Variants in LINGO1 observed in about 807,000 individuals in gnomAD.
LINGO1 encodes leucine-rich repeat and immunoglobulin-like domain-containing nogo receptor-interacting protein 1.
Under a neutral mutation model 37.3 loss-of-function variants are expected in LINGO1, and 11 were observed. That is an observed-to-expected ratio of 0.29 (90% CI 0.19 to 0.49). The LOEUF is 0.49. LINGO1 is among the 20% of genes least tolerant of loss of function. The probability of loss-of-function intolerance (pLI) is 0.99; values close to 1 mark genes in which losing one functional copy is unlikely to be tolerated. For missense variants in LINGO1, 585 were observed against 878.2 expected, an observed-to-expected ratio of 0.67 and a Z score of 4.22; for synonymous variants, 387 against 403.0, an observed-to-expected ratio of 0.96 and a Z score of 0.48.
intron 1 of LINGO1, among the ~76,000 whole-genome samples, chr15:77,801,718 C>T (rs939989258): frequency 6.6e-6 from 1 of 152,142 alleles, no homozygotes; most frequent in Non-Finnish European, 1.5e-5. Flanking sequence ...GCCCCACCCT[C>T]GTATCCTGAG....
intron 3 of LINGO1, among the ~76,000 whole-genome samples, chr15:77,645,686 T>C (rs2074610048): frequency 6.6e-6 from 1 of 152,184 alleles, no homozygotes; most frequent in African/African-American, 2.4e-5. Flanking sequence ...CTGCATCCCA[T>C]ACACGTCTTC....
intron 1 of LINGO1, chr15:77,784,924 T>G (rs893812420): frequency 1.3e-5 from 2 of 152,194 alleles, no homozygotes; most frequent in African/African-American, 4.8e-5. Flanking sequence ...GACTGCATAC[T>G]TGGGTATAGC....
In LINGO1 at chr15:77,695,256, C is replaced by T. The variant is rs185018019; in HGVS notation, c.-281+1135G>A. Among the ~76,000 whole-genome samples, 100 of 152,136 alleles carry T rather than the reference C, an allele frequency of 6.6e-4. 2 individuals are homozygous for T. The East Asian group carries it at 0.013, about 20-fold the overall frequency. ...TGCCTCGTGGAAGTGCCAGGCAGTT[C>T]GAAGAGGCAGCCCGGTGAGCAGATG... On this transcript the variant is annotated intron_variant, in intron 1 of 3. Coordinates refer to the LINGO1 transcript ENST00000559893.
intron 1 of LINGO1, among the ~76,000 whole-genome samples, chr15:77,768,690 C>T (rs1001562016): frequency 7.2e-5 from 11 of 152,110 alleles, no homozygotes; most frequent in African/African-American, 2.2e-4. Context: ...CCCTACCTCC[C>T]GACTCTGTCT....
upstream of LINGO1, among the ~76,000 whole-genome samples, chr15:77,632,977 G>A (rs2074311839): frequency 6.6e-6 from 1 of 151,542 alleles, no homozygotes; most frequent in Admixed American, 6.6e-5. The surrounding 1 kb of genome is among the most constrained non-coding windows in gnomAD (Gnocchi z 6.0). Context: ...CGGGAGCCGG[G>A]CGGGGGAGGA....
chr15:77,738,799 GGAAGGAAGGAAGGAAA>G (rs1388484374), intron 1 of LINGO1, among the ~76,000 whole-genome samples: 2 of 151,174 alleles, frequency 1.3e-5, no homozygotes, highest in Admixed American at 6.6e-5. Context: ...AAGGAAGGAA[GGAAGGAAGGAAGGAAA>G]GAAGGAAGGA....
upstream of LINGO1, among the ~76,000 whole-genome samples, chr15:77,635,064 AG>A (rs2074369865): frequency 2.6e-5 from 4 of 152,160 alleles, no homozygotes; most frequent in Non-Finnish European, 4.4e-5. Flanking sequence ...GCTAACCCCC[AG>A]GTGCTACCGG....
chr15:77,644,234 C>T (rs552085374), intron 3 of LINGO1, among the ~76,000 whole-genome samples: 19 of 152,298 alleles, frequency 1.2e-4, no homozygotes, highest in East Asian at 9.6e-4. Flanking sequence ...GTAGGTGTCC[C>T]GAGCAGAACT....
Position 77,774,239 on chromosome 15 carries a change from G to T in LINGO1, c.-257+12630C>A, listed in dbSNP as rs114855495. Among the ~76,000 whole-genome samples, 349 of 152,136 alleles carry T rather than the reference G, an allele frequency of 2.3e-3. 4 individuals are homozygous for T. Among genetic ancestry groups the T allele is most frequent in the African/African-American group, 8.3e-3 (344 of 41,480 alleles). On this transcript the variant is annotated intron_variant, in intron 1 of 3. Coordinates refer to the LINGO1 transcript ENST00000561686. ...TCCACAGGTGAGCGGGGGAATGGGGGTCTTCATTCACATCAAACAGCTGGC... is the reference window on the plus strand; with the variant it reads ...TCCACAGGTGAGCGGGGGAATGGGGTTCTTCATTCACATCAAACAGCTGGC...
intron 1 of LINGO1, among the ~76,000 whole-genome samples, chr15:77,815,797 G>A (rs1379955941): frequency 6.6e-6 from 1 of 152,086 alleles, no homozygotes; most frequent in East Asian, 1.9e-4. Context: ...ATCTAATTGT[G>A]TTCCTCCAGA....
intron 2 of LINGO1, among the ~76,000 whole-genome samples, chr15:77,710,449 C>T (rs1393351905): frequency 6.6e-6 from 1 of 152,220 alleles, no homozygotes; most frequent in Non-Finnish European, 1.5e-5. Context: ...CCGCTTTGAA[C>T]ATAGAGACAT....
intron 1 of LINGO1, among the ~76,000 whole-genome samples, chr15:77,617,828 C>T (rs1398358934): frequency 2.0e-5 from 3 of 152,204 alleles, no homozygotes; most frequent in Non-Finnish European, 4.4e-5. Flanking sequence ...GTTGATTGAC[C>T]AAGTCACTGA....
intron 3 of LINGO1, among the ~76,000 whole-genome samples, chr15:77,665,087 T>C (rs2075101748): frequency 6.6e-6 from 1 of 152,180 alleles, no homozygotes; most frequent in Non-Finnish European, 1.5e-5. Flanking sequence ...CCTGGTTCCC[T>C]TGTGGGCTGT....
chr15:77,712,192 T>G (rs753681803), intron 2 of LINGO1, among the ~76,000 whole-genome samples: 12 of 152,036 alleles, frequency 7.9e-5, no homozygotes, highest in Non-Finnish European at 1.5e-4. Context: ...CAGCTGCCAT[T>G]CCCTGCAGCC....
At chr15:77,707,410 C>T (rs964389235) in intron 2 of LINGO1, 2 of 152,230 alleles carry the variant, frequency 1.3e-5, no homozygotes, top group African/African-American at 4.8e-5. Context: ...TCTTGAAGCA[C>T]AAATGATCCC....
intron 3 of LINGO1, among the ~76,000 whole-genome samples, chr15:77,663,293 G>A (rs970372015): frequency 1.6e-4 from 15 of 94,326 alleles, no homozygotes; most frequent in Non-Finnish European, 3.8e-4. Flanking sequence ...GTCGGGGGTG[G>A]GGAGGCTTCC....
At chr15:77,629,031 G>A (rs139088590) in intron 1 of LINGO1, among the ~76,000 whole-genome samples, 4 of 152,294 alleles carry the variant, frequency 2.6e-5, no homozygotes, top group South Asian at 4.1e-4. Flanking sequence ...TAATTGTCAC[G>A]ACCTCCCTTG....
upstream of LINGO1, among the ~76,000 whole-genome samples, chr15:77,701,022 T>C (rs1385894375): frequency 2.0e-5 from 3 of 152,202 alleles, no homozygotes; most frequent in Non-Finnish European, 4.4e-5. Context: ...TGTGCACTCC[T>C]ACACTGAAAC....
chr15:77,739,332 C>T (rs1252210153), intron 1 of LINGO1, among the ~76,000 whole-genome samples: 4 of 152,144 alleles, frequency 2.6e-5, no homozygotes, highest in Non-Finnish European at 4.4e-5. Flanking sequence ...GGAGATAACT[C>T]GATATAATGA....
Sources: allele counts gnomAD v4.1 joint callset (sites outside exome capture counted in the v4.1 genomes callset), GRCh38; gene constraint gnomAD v4.1.1; non-coding constraint Gnocchi (gnomAD v3.1); transcripts MANE v1.5; gene names NCBI Gene and HGNC (gene_info 2026-07-23, HGNC 2026-07-21).